ODR4: variants seen among roughly 807,000 people sequenced by gnomAD.
ODR4 encodes protein odr-4 homolog.
A neutral mutation model predicts 60.2 loss-of-function variants in ODR4; 47 were observed. That is an observed-to-expected ratio of 0.78 (90% CI 0.62 to 1.00). The LOEUF is 1.00. Among genes scored for constraint, ODR4 ranks in the 50% least tolerant of loss-of-function variants. The pLI, the probability that ODR4 is intolerant of heterozygous loss-of-function variation, is 0.00. For missense variants in ODR4, 488 were observed against 530.8 expected, an observed-to-expected ratio of 0.92 and a Z score of 0.79; for synonymous variants, 178 against 175.5, an observed-to-expected ratio of 1.01 and a Z score of -0.11.
chr1:186,396,524 G>A (rs1660683636), intron 9 of ODR4, among the ~76,000 whole-genome samples: 2 of 152,112 alleles, frequency 1.3e-5, no homozygotes, highest in South Asian at 4.1e-4. Flanking sequence ...TGGGAGGATC[G>A]ATTGAGCCTA....
chr1:186,415,851 ATCAG>A (rs2102093552), intron 12 of ODR4, among the ~76,000 whole-genome samples: 1 of 152,350 alleles, frequency 6.6e-6, no homozygotes, highest in Non-Finnish European at 1.5e-5. Flanking sequence ...TGTCCAAATC[ATCAG>A]TCAAATGCCT....
In ODR4 at chr1:186,399,092, G is replaced by C. The variant is rs949609567; in HGVS notation, c.1000+48G>C. 3.5e-6 allele frequency: 4 copies of C among 1,150,370 alleles called. No homozygotes were observed. In the African/African-American group the frequency reaches 6.1e-5, roughly 18 times the overall value. The allele number at this position is 1,150,370 out of a possible 1,614,324, so 71.3% of individuals were successfully genotyped here. A position where few individuals can be genotyped will look rare whatever the true frequency, so the allele number is the denominator to read the frequency against. On this transcript the variant is annotated intron_variant, in intron 11 of 13. Transcript: ENST00000287859. ...TTTTTGCGTATCTTCAACTGATATA[G>C]TAATAAGATATCAAGATATAGCAGA...
chr1:186,401,239 T>A (rs893328590), intron 11 of ODR4: 33 of 1,405,842 alleles, frequency 2.3e-5, no homozygotes, highest in Non-Finnish European at 2.9e-5. Context: ...TTGTACTGTT[T>A]GTATGTTAAA....
At chr1:186,428,731 T>C in the ODR4 span, among the ~76,000 whole-genome samples, 2 of 152,180 alleles carry the variant, frequency 1.3e-5, no homozygotes, top group African/African-American at 4.8e-5. Flanking sequence ...CTTGGACACT[T>C]ACAGGCCATT....
chr1:186,424,985 A>C (rs576388494), downstream of ODR4, among the ~76,000 whole-genome samples: 191 of 150,746 alleles, frequency 1.3e-3, 1 homozygote, highest in Non-Finnish European at 2.1e-3. Context: ...AAAAAAAAAA[A>C]ACCCCTTTTT....
At chr1:186,392,881 G>A (rs1571674641) in intron 8 of ODR4, among the ~76,000 whole-genome samples, 1 of 152,186 alleles carries the variant, frequency 6.6e-6, no homozygotes, top group African/African-American at 2.4e-5. Context: ...GCAGGTGCCT[G>A]TAAGCACAAG....
At chr1:186,393,060 C>A (rs1003218683) in intron 8 of ODR4, among the ~76,000 whole-genome samples, 4 of 152,008 alleles carry the variant, frequency 2.6e-5, no homozygotes, top group Non-Finnish European at 5.9e-5. Context: ...AAACCAAATA[C>A]CGTATGTTCT....
chr1:186,395,624 C>T (rs1030383960), intron 9 of ODR4, among the ~76,000 whole-genome samples: 5 of 152,140 alleles, frequency 3.3e-5, no homozygotes, highest in East Asian at 1.9e-4. Flanking sequence ...TTTACCTAAA[C>T]TAGCACAAGT....
chr1:186,399,519 G>A lies in ODR4; in HGVS notation c.1000+475G>A, dbSNP rs565055305. 8.0e-5 allele frequency among the ~76,000 whole-genome samples: 8 copies of A among 99,642 alleles called. No individual in the cohort carries two copies. The East Asian group carries it at 1.7e-3, about 21-fold the overall frequency. The allele number at this position is 99,642 out of a possible 152,430, so 65.4% of individuals were successfully genotyped here. Reference sequence around the variant, plus strand: ...CCACCATGCTTGGCTCTAGAAAAACGTTTTAGAACACTATCAAATTTAGCA... The same window carrying A: ...CCACCATGCTTGGCTCTAGAAAAACATTTTAGAACACTATCAAATTTAGCA... On this transcript the variant is annotated intron_variant, in intron 11 of 13. Coordinates refer to ENST00000287859, the MANE Select transcript of ODR4 (RefSeq NM_017847.6).
At chr1:186,389,290 A>G (rs1386295405) in intron 5 of ODR4, among the ~76,000 whole-genome samples, 1 of 152,160 alleles carries the variant, frequency 6.6e-6, no homozygotes, top group Non-Finnish European at 1.5e-5. Flanking sequence ...TGTATATTTG[A>G]GAAGAATCTC....
chr1:186,386,524 TATA>T (rs1297538677), intron 4 of ODR4, among the ~76,000 whole-genome samples: 9 of 152,262 alleles, frequency 5.9e-5, no homozygotes, highest in African/African-American at 2.2e-4. Flanking sequence ...AATGATTAAT[TATA>T]ATATTAAGAA....
downstream of ODR4, among the ~76,000 whole-genome samples, chr1:186,421,955 GA>G (rs1441794123): frequency 6.7e-6 from 1 of 150,008 alleles, no homozygotes; most frequent in African/African-American, 2.5e-5. Context: ...TACAAATAAA[GA>G]AAGAAATTAT....
intron 1 of ODR4, among the ~76,000 whole-genome samples, chr1:186,379,070 G>A (rs775815378): frequency 2.9e-4 from 44 of 152,104 alleles, no homozygotes; most frequent in South Asian, 4.2e-4. Context: ...TCATGTTTAC[G>A]ATTTTAGCAA....
At chr1:186,404,303 T>C (rs1661094080) in intron 11 of ODR4, among the ~76,000 whole-genome samples, 1 of 152,224 alleles carries the variant, frequency 6.6e-6, no homozygotes, top group Admixed American at 6.5e-5. Context: ...CGAGTCTTAC[T>C]TAGATACTAA....
intron 4 of ODR4, among the ~76,000 whole-genome samples, chr1:186,388,156 CA>C (rs1660322574): frequency 6.6e-6 from 1 of 151,980 alleles, no homozygotes; most frequent in African/African-American, 2.4e-5. Flanking sequence ...AAAAGGAATT[CA>C]AAAATGTTAG....
rs111921946 is a variant in ODR4 at position 186,382,050 on chromosome 1, G to A, written c.100-972G>A. On this transcript the variant is annotated intron_variant, in intron 2 of 13. Transcript: ENST00000287859. Reference sequence around the variant, plus strand: ...TTCACTGTAGTGAAACTGAGCTATTGAATGTTCCCCTACATTTATTTTTAG... The same window carrying A: ...TTCACTGTAGTGAAACTGAGCTATTAAATGTTCCCCTACATTTATTTTTAG... 6.8e-3 allele frequency among the ~76,000 whole-genome samples: 1,033 copies of A among 152,042 alleles called. 18 individuals carry two copies. Among genetic ancestry groups the A allele is most frequent in the African/African-American group, 0.024 (995 of 41,456 alleles).
Position 186,389,599 on chromosome 1 carries a change from G to T in ODR4, c.449G>T (p.Arg150Leu). The change falls in exon 6 of 14, where the codon CGA becomes CTA. Residue 150 changes from arginine (R) to leucine (L), a missense_variant. Arg to Leu is a moderately radical substitution (Grantham distance 102). Transcript: ENST00000287859. Reference protein sequence around the residue: ...ICASTKKIFCRTYDIHDPKSS... With the variant: ...ICASTKKIFCLTYDIHDPKSS... Reference sequence around the variant, plus strand: ...CTTAATTAGTGAAGAATATTTTGTCGAACTTATGATATCCATGATCCAAAG... The same window carrying T: ...CTTAATTAGTGAAGAATATTTTGTCTAACTTATGATATCCATGATCCAAAG... The T allele has an allele frequency of 1.3e-6, 2 of 1,534,236 alleles. No individual in the cohort carries two copies. The highest frequency in any genetic ancestry group is 2.4e-5 in the East Asian group (1 of 42,322).
chr1:186,393,975 C>T lies in ODR4; in HGVS notation c.740C>T (p.Ala247Val), dbSNP rs1048894319. The change falls in exon 9 of 14, where the codon GCA (alanine) becomes GTA (valine). Residue 247 changes from alanine (A) to valine (V), a missense_variant. Coordinates refer to ENST00000287859, the MANE Select transcript of ODR4 (RefSeq NM_017847.6). ...QKKSSRGNTQATSHSFDVRVL... is the reference protein window; with the variant it reads ...QKKSSRGNTQVTSHSFDVRVL... ...AAATCTTCTAGAGGAAATACTCAAGCAACTAGTCATTCTTTTGATGTCAGA... is the reference window on the plus strand; with the variant it reads ...AAATCTTCTAGAGGAAATACTCAAGTAACTAGTCATTCTTTTGATGTCAGA... The T allele has an allele frequency of 1.2e-5, 18 of 1,523,640 alleles. No individual in the cohort carries two copies. Among genetic ancestry groups the T allele is most frequent in the Admixed American group, 2.1e-5 (1 of 48,570 alleles). The allele number at this position is 1,523,640 out of a possible 1,614,324, so 94.4% of individuals were successfully genotyped here.
chr1:186,411,921 T>C (rs1025766822), intron 12 of ODR4: 1 of 631,984 alleles, frequency 1.6e-6, no homozygotes, highest in Non-Finnish European at 2.0e-6. Context: ...TATGCCATAT[T>C]AAACTCATGG....
Sources: gnomAD v4.1 joint callset for allele counts (sites outside exome capture counted in the v4.1 genomes callset) on GRCh38, gnomAD v4.1.1 for gene constraint, MANE v1.5 for transcripts, NCBI Gene and HGNC (gene_info 2026-07-23, HGNC 2026-07-21) for gene names.